DMD: variants seen among roughly 807,000 people sequenced by gnomAD.
The protein encoded by DMD is dystrophin.
A neutral mutation model predicts 330.1 loss-of-function variants in DMD; 63 were observed. The ratio of observed to expected loss-of-function variants is 0.19; its 90% CI spans 0.16 to 0.24. The LOEUF (loss-of-function observed/expected upper bound fraction) is 0.24. Among genes scored for constraint, DMD ranks in the 10% least tolerant of loss-of-function variants. The pLI is 1.00. For synonymous variants in DMD, 1,223 were observed against 959.8 expected, an observed-to-expected ratio of 1.27 and a Z score of -5.07; for missense variants, 3,344 against 2,684.1, an observed-to-expected ratio of 1.25 and a Z score of -5.43.
intron 52 of DMD, among the ~76,000 whole-genome samples, chrX:31,688,904 T>C (rs1433249631): frequency 9.8e-5 from 11 of 111,873 alleles, no homozygotes; most frequent in African/African-American, 3.6e-4. Flanking sequence ...AAAAGGCCCT[T>C]GACCAAATTC....
chrX:32,639,988 G>C (rs761508604), intron 11 of DMD, among the ~76,000 whole-genome samples: 88 of 110,061 alleles, frequency 8.0e-4, no homozygotes, highest in Middle Eastern at 4.8e-3. Context: ...GATCACTTGA[G>C]GCCAGGAGCT....
intron 41 of DMD, among the ~76,000 whole-genome samples, chrX:32,332,187 C>A (rs1308842648): frequency 2.7e-5 from 3 of 111,451 alleles, no homozygotes; most frequent in African/African-American, 9.8e-5. Context: ...TGATTAATTA[C>A]TTATTTTATG....
At chrX:31,650,489 C>T (rs893749693) in intron 54 of DMD, among the ~76,000 whole-genome samples, 9 of 111,302 alleles carry the variant, frequency 8.1e-5, no homozygotes, top group African/African-American at 2.9e-4. Context: ...AGTACAATTA[C>T]TCAGCAAATA....
intron 18 of DMD, among the ~76,000 whole-genome samples, chrX:32,514,067 G>T (rs986226235): frequency 1.8e-5 from 2 of 110,373 alleles, no homozygotes; most frequent in Admixed American, 1.9e-4. Flanking sequence ...AAACACAACC[G>T]GTTTAAAAGC....
intron 43 of DMD, among the ~76,000 whole-genome samples, chrX:32,278,437 A>G (rs1452418083): frequency 1.8e-5 from 2 of 111,471 alleles, no homozygotes; most frequent in African/African-American, 6.5e-5. Flanking sequence ...TGCAGAGTGA[A>G]CAGGCAACCT....
intron 34 of DMD, among the ~76,000 whole-genome samples, chrX:32,368,710 G>C (rs2097862665): frequency 9.0e-6 from 1 of 111,231 alleles, no homozygotes; most frequent in African/African-American, 3.3e-5. Flanking sequence ...GAGATGGAAA[G>C]AAACAGCTGA....
At position 32,418,972 on chromosome X, in the gene DMD, CAAAAAAAAAAAAAAAAAA is replaced by C. The variant is rs1160282195; in HGVS notation, c.4072-7077_4072-7060del. On this transcript the variant is annotated intron_variant, in intron 29 of 78. Coordinates refer to ENST00000357033, the MANE Select transcript of DMD (RefSeq NM_004006.3). ...TGGGTGACAGAGTGAGACTCTGTCT[CAAAAAAAAAAAAAAAAAA>C]AAAAAAAAGAAGCTGACACTTGAAG... 3.0e-4 allele frequency among the ~76,000 whole-genome samples: 4 copies of C among 13,511 alleles called. No individual in the cohort carries two copies. In the Admixed American group the frequency reaches 3.1e-3, roughly 10 times the overall value. The allele number at this position is 13,511 out of a possible 115,157, so 11.7% of individuals were successfully genotyped here. A position where few individuals can be genotyped will look rare whatever the true frequency, so the allele number is the denominator to read the frequency against.
chrX:31,478,997 T>C lies in DMD; in HGVS notation c.8654A>G (p.Tyr2885Cys). ...EQPLEGLEKL[Y>C]QEPRELPPEE... ...CATTCAATTACCTCTGGGCTCCTGG[T>C]AGAGTTTCTCTAGTCCTTCCAAAGG... Residue 2885 changes from tyrosine (Y) to cysteine (C), a missense_variant, in exon 58 of 79, where the codon TAC becomes TGC. Coordinates refer to ENST00000357033, the MANE Select transcript of DMD (RefSeq NM_004006.3). 1 of 1,210,437 alleles carries C rather than the reference T, an allele frequency of 8.3e-7. No homozygotes were observed. Among genetic ancestry groups the C allele is most frequent in the Non-Finnish European group, 1.1e-6 (1 of 894,270 alleles).
intron 7 of DMD, among the ~76,000 whole-genome samples, chrX:32,731,032 G>A (rs936730981): frequency 9.0e-6 from 1 of 111,471 alleles, no homozygotes; most frequent in East Asian, 2.9e-4. Flanking sequence ...GCCAGACAGT[G>A]GGCGCAGCTC....
chrX:31,801,740 G>C (rs762331280), intron 50 of DMD, among the ~76,000 whole-genome samples: 2 of 111,191 alleles, frequency 1.8e-5, no homozygotes, highest in African/African-American at 6.5e-5. Context: ...CTTCAATAAA[G>C]CTAGGTAAGG....
At position 31,121,841 on chromosome X, in the gene DMD, C is replaced by G. The variant is rs774279444; in HGVS notation, c.*78G>C. On this transcript the variant is annotated 3_prime_UTR_variant, in exon 79 of 79. Coordinates refer to ENST00000357033, the MANE Select transcript of DMD (RefSeq NM_004006.3). Reference sequence around the variant, plus strand: ...CAGGAGTTGTAAAACATTTATTCTGCTCCTTCTTCATCTGTCATGACTGAT... The same window carrying G: ...CAGGAGTTGTAAAACATTTATTCTGGTCCTTCTTCATCTGTCATGACTGAT... 8.4e-7 allele frequency: 1 copy of G among 1,193,037 alleles called. No individual in the cohort carries two copies. The highest frequency in any genetic ancestry group is 1.1e-6 in the Non-Finnish European group (1 of 878,649).
intron 30 of DMD, among the ~76,000 whole-genome samples, chrX:32,394,941 A>ACAAAAAAAAAAAAAAAAATC (rs2098033488): frequency 9.8e-6 from 1 of 102,220 alleles, no homozygotes; most frequent in Non-Finnish European, 2.0e-5. Context: ...AAAGAAAAGA[A>ACAAAAAAAAAAAAAAAAATC]ATCATCATCA....
rs768435341 is a variant in DMD at position 32,684,231 on chromosome X, A to C, written c.960+13639T>G. Among the ~76,000 whole-genome samples the C allele has an allele frequency of 9.0e-5, 10 of 111,014 alleles. No homozygotes were observed. In the East Asian group the frequency reaches 2.9e-3, roughly 32 times the overall value. ...TGTGTATTGCTGTATGTATATACCC[A>C]CACACACACATATATATGCACACGT... On this transcript the variant is annotated intron_variant, in intron 9 of 78. Coordinates refer to ENST00000357033, the MANE Select transcript of DMD (RefSeq NM_004006.3).
intron 1 of DMD, among the ~76,000 whole-genome samples, chrX:33,027,689 A>T (rs754103417): frequency 5.5e-5 from 6 of 109,086 alleles, no homozygotes; most frequent in Non-Finnish European, 1.1e-4. Context: ...ATACAAATAT[A>T]CAGATAAGTT....
intron 62 of DMD, among the ~76,000 whole-genome samples, chrX:31,283,055 T>C (rs985913589): frequency 2.7e-5 from 3 of 111,832 alleles, no homozygotes; most frequent in Non-Finnish European, 3.8e-5. Flanking sequence ...AGAAATTCCA[T>C]TGATCTTTAA....
chrX:32,886,988 T>C (rs1174774554), intron 2 of DMD, among the ~76,000 whole-genome samples: 1 of 111,559 alleles, frequency 9.0e-6, no homozygotes, highest in Non-Finnish European at 1.9e-5. Context: ...TAACAATGAC[T>C]TTAAGTGAGA....
intron 11 of DMD, among the ~76,000 whole-genome samples, chrX:32,623,070 C>T (rs935193314): frequency 8.9e-6 from 1 of 112,110 alleles, no homozygotes; most frequent in Non-Finnish European, 1.9e-5. Context: ...GTATCAGACT[C>T]AGAATGCCCA....
At chrX:32,842,895 C>G (rs777662653) in intron 4 of DMD, among the ~76,000 whole-genome samples, 10 of 111,396 alleles carry the variant, frequency 9.0e-5, no homozygotes, top group Non-Finnish European at 1.9e-4. Context: ...GCAACCTCAG[C>G]CTCTGGGTTC....
chrX:32,549,774 C>T (rs957551099), intron 16 of DMD, among the ~76,000 whole-genome samples: 55 of 111,297 alleles, frequency 4.9e-4, no homozygotes, highest in African/African-American at 1.7e-3. Context: ...TTTTGATAGG[C>T]CTGGGAAAAA....
Sources: allele counts gnomAD v4.1 joint callset (sites outside exome capture counted in the v4.1 genomes callset), GRCh38; gene constraint gnomAD v4.1.1; transcripts MANE v1.5; gene names NCBI Gene and HGNC (gene_info 2026-07-23, HGNC 2026-07-21).